FAM193A: variants seen among roughly 807,000 people sequenced by gnomAD.
The protein encoded by FAM193A is protein FAM193A.
FAM193A carries 22 observed loss-of-function variants against 126.5 expected under a neutral mutation model. The ratio of observed to expected loss-of-function variants is 0.17; its 90% CI spans 0.12 to 0.25. FAM193A has a LOEUF of 0.25. Among genes scored for constraint, FAM193A ranks in the 10% least tolerant of loss-of-function variants. FAM193A has a pLI of 1.00. For missense variants in FAM193A, 1,675 were observed against 1,672.8 expected, an observed-to-expected ratio of 1.00 and a Z score of -0.02; for synonymous variants, 761 against 646.8, an observed-to-expected ratio of 1.18 and a Z score of -2.68.
At chr4:2,681,248 A>C (rs1185578815) in intron 13 of FAM193A, among the ~76,000 whole-genome samples, 2 of 151,474 alleles carry the variant, frequency 1.3e-5, no homozygotes, top group Non-Finnish European at 2.9e-5. Flanking sequence ...CATCTCACTA[A>C]AGTTTTGTCA....
intron 1 of FAM193A, among the ~76,000 whole-genome samples, chr4:2,586,168 A>G (rs1363936438): frequency 6.6e-6 from 1 of 151,814 alleles, no homozygotes; most frequent in Non-Finnish European, 1.5e-5. Context: ...ACTTGAACCC[A>G]GGAGGGAGAG....
intron 1 of FAM193A, among the ~76,000 whole-genome samples, chr4:2,554,177 C>T (rs553423228): frequency 1.3e-5 from 2 of 152,072 alleles, no homozygotes; most frequent in Non-Finnish European, 2.9e-5. Flanking sequence ...CTCTGCCTCC[C>T]GGGTTCAAGT....
At chr4:2,608,530 A>G (rs1291181657) in intron 2 of FAM193A, among the ~76,000 whole-genome samples, 2 of 152,148 alleles carry the variant, frequency 1.3e-5, no homozygotes, top group Non-Finnish European at 2.9e-5. Context: ...ATAATGAGCC[A>G]GGGGTAGTGG....
chr4:2,643,382 CTT>C (rs368031788), intron 6 of FAM193A, among the ~76,000 whole-genome samples: 17 of 152,174 alleles, frequency 1.1e-4, no homozygotes, highest in African/African-American at 3.9e-4. Flanking sequence ...AATTCAATGA[CTT>C]TTGATATATT....
chr4:2,673,694 T>C (rs894705295), intron 13 of FAM193A, among the ~76,000 whole-genome samples: 1 of 152,230 alleles, frequency 6.6e-6, no homozygotes, highest in African/African-American at 2.4e-5. Context: ...TTCCACTCCC[T>C]GCTGTAGCCT....
In FAM193A at chr4:2,609,412, C is replaced by T. The variant is rs556889270; in HGVS notation, c.501+13083C>T. On this transcript the variant is annotated intron_variant, in intron 2 of 20. Coordinates refer to ENST00000637812, the MANE Select transcript of FAM193A (RefSeq NM_001366318.2). Reference sequence around the variant, plus strand: ...GCATCCTGTCATAAAGAAGACTACTCGGCAAGTAGTCTTAAGTTTCTATCT... The same window carrying T: ...GCATCCTGTCATAAAGAAGACTACTTGGCAAGTAGTCTTAAGTTTCTATCT... 1.8e-4 allele frequency among the ~76,000 whole-genome samples: 27 copies of T among 152,190 alleles called. 1 individual carries two copies. The East Asian group carries it at 2.3e-3, about 13-fold the overall frequency.
At chr4:2,625,114 T>G in intron 2 of FAM193A, 148 bp from the exon 3 acceptor site, 1 of 559,930 alleles carries the variant, frequency 1.8e-6, no homozygotes, top group Non-Finnish European at 3.2e-6. Flanking sequence ...ATTACAAGTG[T>G]GAGCCACTGT....
intron 1 of FAM193A, among the ~76,000 whole-genome samples, chr4:2,592,396 T>G (rs1307358983): frequency 1.3e-5 from 2 of 152,176 alleles, no homozygotes; most frequent in Admixed American, 6.6e-5. Context: ...CCTGCTACAT[T>G]TATTTTTTAA....
chr4:2,710,938 G>A (rs981889454), intron 19 of FAM193A, among the ~76,000 whole-genome samples: 18 of 141,456 alleles, frequency 1.3e-4, no homozygotes, highest in Admixed American at 1.2e-3. Flanking sequence ...TGCAAACTCC[G>A]CCTCCCGGGT....
intron 12 of FAM193A, among the ~76,000 whole-genome samples, chr4:2,665,636 G>C (rs1167710463): frequency 6.6e-6 from 1 of 152,040 alleles, no homozygotes; most frequent in Non-Finnish European, 1.5e-5. Context: ...AGCCTCCCAG[G>C]TAGCTAGGAC....
intron 17 of FAM193A, 63 bp from the exon 18 acceptor site, chr4:2,696,297 TGTG>T (rs1328607892): frequency 9.9e-7 from 1 of 1,005,090 alleles, no homozygotes; most frequent in Non-Finnish European, 1.5e-6. Context: ...TTTTTGGAGG[TGTG>T]GTCTGAAATT....
intron 5 of FAM193A, among the ~76,000 whole-genome samples, chr4:2,633,708 G>A (rs1480114790): frequency 1.3e-5 from 2 of 151,172 alleles, no homozygotes; most frequent in African/African-American, 2.4e-5. Flanking sequence ...CCTGGCCAAC[G>A]TGATGAAACC....
intron 20 of FAM193A, among the ~76,000 whole-genome samples, chr4:2,725,483 A>G (rs1054646850): frequency 1.4e-4 from 21 of 148,602 alleles, no homozygotes; most frequent in Non-Finnish European, 2.8e-4. Flanking sequence ...AAAAGTAATC[A>G]CACCAGAGAG....
intron 1 of FAM193A, among the ~76,000 whole-genome samples, chr4:2,543,098 T>TC (rs1235146851): frequency 6.6e-6 from 1 of 151,536 alleles, no homozygotes; most frequent in South Asian, 2.1e-4. Context: ...TCTTTTCTTT[T>TC]TTTTTTTTAA....
intron 1 of FAM193A, among the ~76,000 whole-genome samples, chr4:2,559,965 CT>C (rs112140041): frequency 6.2e-4 from 92 of 147,822 alleles, no homozygotes; most frequent in African/African-American, 1.7e-3. Flanking sequence ...TTCTTTTTTC[CT>C]TTTTTTTTTG....
chr4:2,593,992 A>G (rs1740710654), intron 1 of FAM193A, among the ~76,000 whole-genome samples: 1 of 151,892 alleles, frequency 6.6e-6, no homozygotes, highest in African/African-American at 2.4e-5. Context: ...GTGGGGAGGT[A>G]GGACGCAGTT....
chr4:2,679,127 G>A (rs1051437391), intron 13 of FAM193A, among the ~76,000 whole-genome samples: 8 of 152,036 alleles, frequency 5.3e-5, no homozygotes, highest in African/African-American at 1.9e-4. Context: ...GTAATGAATG[G>A]GTGTTGAATT....
chr4:2,653,535 C>G lies in FAM193A; in HGVS notation c.1312-4268C>G, dbSNP rs150636147. On this transcript the variant is annotated intron_variant, in intron 7 of 20. Coordinates refer to ENST00000637812, the MANE Select transcript of FAM193A (RefSeq NM_001366318.2). ...CTTGGCTCACTGCAACCTCTGCCTCCTGGGTTCAAGCAATTCTCCTGCCTC... is the reference window on the plus strand; with the variant it reads ...CTTGGCTCACTGCAACCTCTGCCTCGTGGGTTCAAGCAATTCTCCTGCCTC... 9.5e-3 allele frequency among the ~76,000 whole-genome samples: 1,452 copies of G among 152,188 alleles called. 26 individuals are homozygous for G. Among genetic ancestry groups the G allele is most frequent in the Non-Finnish European group, 0.012 (835 of 67,998 alleles).
At chr4:2,643,110 A>G (rs1744798538) in intron 6 of FAM193A, among the ~76,000 whole-genome samples, 1 of 152,134 alleles carries the variant, frequency 6.6e-6, no homozygotes, top group Non-Finnish European at 1.5e-5. Flanking sequence ...AAGGATAAAC[A>G]CAGACAGGGA....
Sources: gnomAD v4.1 joint callset for allele counts (sites outside exome capture counted in the v4.1 genomes callset) on GRCh38, gnomAD v4.1.1 for gene constraint, MANE v1.5 for transcripts, NCBI Gene and HGNC (gene_info 2026-07-23, HGNC 2026-07-21) for gene names.